GNA11: variants seen among roughly 807,000 people sequenced by gnomAD.
GNA11 encodes guanine nucleotide-binding protein subunit alpha-11.
A neutral mutation model predicts 38.2 loss-of-function variants in GNA11; 8 were observed. The observed-to-expected ratio is 0.21, with a 90% CI of 0.12 to 0.38. GNA11 has a LOEUF of 0.38. GNA11 is among the 10% of genes least tolerant of loss of function. The probability of loss-of-function intolerance (pLI) is 1.00; values close to 1 mark genes in which losing one functional copy is unlikely to be tolerated. For missense variants in GNA11, 268 were observed against 516.3 expected, an observed-to-expected ratio of 0.52 and a Z score of 4.66; for synonymous variants, 211 against 221.4, an observed-to-expected ratio of 0.95 and a Z score of 0.42.
intron 1 of GNA11, among the ~76,000 whole-genome samples, chr19:3,105,734 G>T (rs1913624493): frequency 6.6e-6 from 1 of 152,194 alleles, no homozygotes; most frequent in African/African-American, 2.4e-5. Context: ...GTCCATTCCT[G>T]CCCAGCGCCG....
chr19:3,121,976 C>A lies in GNA11; in HGVS notation c.*797C>A, dbSNP rs1914091866. The A allele has an allele frequency of 8.6e-6, 2 of 233,170 alleles. No homozygotes were observed. The highest frequency in any genetic ancestry group is 1.7e-5 in the Non-Finnish European group (2 of 117,912). The allele number at this position is 233,170 out of a possible 1,614,324, so 14.4% of individuals were successfully genotyped here. Reference sequence around the variant, plus strand: ...GGTCCCCGGGCTGGAGCCACGGGGGCTTCTCTGGGCTGTGCCTCCGGGGCC... The same window carrying A: ...GGTCCCCGGGCTGGAGCCACGGGGGATTCTCTGGGCTGTGCCTCCGGGGCC... On this transcript the variant is annotated 3_prime_UTR_variant, in exon 7 of 7. Transcript: ENST00000078429.
At position 3,106,964 on chromosome 19, in the gene GNA11, C is replaced by T. The variant is rs561943029; in HGVS notation, c.137-3185C>T. 1.2e-4 allele frequency among the ~76,000 whole-genome samples: 19 copies of T among 152,288 alleles called. No individual in the cohort carries two copies. The South Asian group carries it at 2.3e-3, about 18-fold the overall frequency. ...TACAAAACGCAAAACAGGCCGGGCG[C>T]GGTGGCTCACGCCTGTAATCCCAGC... On this transcript the variant is annotated intron_variant, in intron 1 of 6. Coordinates refer to ENST00000078429, the MANE Select transcript of GNA11 (RefSeq NM_002067.5).
At chr19:3,116,015 C>T (rs1387165649) in intron 4 of GNA11, among the ~76,000 whole-genome samples, 1 of 148,960 alleles carries the variant, frequency 6.7e-6, no homozygotes, top group African/African-American at 2.5e-5. Flanking sequence ...AGGAGGGCTC[C>T]AGGCTGGGGT....
intron 4 of GNA11, 110 bp from the exon 5 acceptor site, chr19:3,118,814 G>A: frequency 3.0e-6 from 3 of 1,011,420 alleles, no homozygotes; most frequent in South Asian, 2.8e-5. Context: ...TCCTGCTCCA[G>A]CCGATGTCAG....
rs76205188 is a variant in GNA11 at position 3,123,947 on chromosome 19, T to C, written c.*2768T>C. The stretch of plus-strand genomic sequence containing the variant: ...CACCGATGGAAGTCGACTTTTCATA[T>C]CTTTCTCCTGAAATGAACTCTGTTT... On this transcript the variant is annotated 3_prime_UTR_variant, in exon 7 of 7. Coordinates refer to ENST00000078429, the MANE Select transcript of GNA11 (RefSeq NM_002067.5). 7,199 of 229,612 alleles carry C rather than the reference T, an allele frequency of 0.031. 618 individuals are homozygous for C. The highest frequency in any genetic ancestry group is 0.17 in the East Asian group (2,814 of 16,122). The allele number at this position is 229,612 out of a possible 1,614,324, so 14.2% of individuals were successfully genotyped here. A position where few individuals can be genotyped will look rare whatever the true frequency, so the allele number is the denominator to read the frequency against.
intron 1 of GNA11, among the ~76,000 whole-genome samples, chr19:3,101,740 T>A (rs895468882): frequency 6.6e-6 from 1 of 152,296 alleles, no homozygotes; most frequent in Middle Eastern, 3.4e-3. Context: ...TCTCCCAGGC[T>A]GTCGGGGGGC....
rs958593838 is a variant in GNA11 at position 3,120,636 on chromosome 19, C to A, written c.890-353C>A. Among the ~76,000 whole-genome samples, 1 of 152,184 alleles carries A rather than the reference C, an allele frequency of 6.6e-6. No individual in the cohort carries two copies. ...AGCCCTGGGGGCCTCTCCTCTCACC[C>A]TGGGCCTTCGCAGGGCAGCCATGCC... On this transcript the variant is annotated intron_variant, in intron 6 of 6. Coordinates refer to ENST00000078429, the MANE Select transcript of GNA11 (RefSeq NM_002067.5). This position sits in a 1 kb window ranked among gnomAD's most constrained non-coding sequence, Gnocchi z 5.9.
rs574010523 is a variant in GNA11 at position 3,108,964 on chromosome 19, C to T, written c.137-1185C>T. 2.6e-5 allele frequency among the ~76,000 whole-genome samples: 4 copies of T among 152,322 alleles called. No homozygotes were observed. Among genetic ancestry groups the T allele is most frequent in the East Asian group, 1.9e-4 (1 of 5,184 alleles). The stretch of plus-strand genomic sequence containing the variant: ...CCTCACAGCGTGGCGGCTGCCTACC[C>T]CAGAGCCCCTGACCCGAGACTGAGG... On this transcript the variant is annotated intron_variant, in intron 1 of 6. Transcript: ENST00000078429. The surrounding 1 kb of genome is among the most constrained non-coding windows in gnomAD (Gnocchi z 4.5).
Position 3,123,719 on chromosome 19 carries a change from C to G in GNA11, c.*2540C>G, listed in dbSNP as rs1227640169. ...CTGTGGCCGGCCTGGCGGACGGGAC[C>G]CAGTGATACTTGTATATTACACAGT... On this transcript the variant is annotated 3_prime_UTR_variant, in exon 7 of 7. Transcript: ENST00000078429. The G allele has an allele frequency of 8.6e-6, 2 of 232,858 alleles. No individual in the cohort carries two copies. The highest frequency in any genetic ancestry group is 2.2e-5 in the African/African-American group (1 of 45,296). The allele number at this position is 232,858 out of a possible 1,614,324, so 14.4% of individuals were successfully genotyped here. A position where few individuals can be genotyped will look rare whatever the true frequency, so the allele number is the denominator to read the frequency against.
chr19:3,106,055 C>G (rs1392792408), intron 1 of GNA11, among the ~76,000 whole-genome samples: 1 of 152,162 alleles, frequency 6.6e-6, no homozygotes, highest in East Asian at 1.9e-4. Flanking sequence ...AAGAGCGTTC[C>G]AGCTCAGATG....
rs1914089456 is a variant in GNA11, at chr19:3,121,842, TTTTA to T, written c.*667_*670del. On this transcript the variant is annotated 3_prime_UTR_variant, in exon 7 of 7. Transcript: ENST00000078429. ...ACCCTGGGAAGTGCCTAACCTTTTA[TTTTA>T]TTTTATTTTTTTGAGGAAAAAGAAC... 1 of 225,718 alleles carries T rather than the reference TTTTA, an allele frequency of 4.4e-6. No individual in the cohort carries two copies. 14.0% of individuals were successfully genotyped at this position (225,718 alleles called of 1,614,324 possible). A position where few individuals can be genotyped will look rare whatever the true frequency, so the allele number is the denominator to read the frequency against.
intron 2 of GNA11, among the ~76,000 whole-genome samples, chr19:3,112,722 C>T (rs1376005616): frequency 3.3e-5 from 5 of 152,340 alleles, no homozygotes; most frequent in East Asian, 3.9e-4. Context: ...TGCGGCAGCT[C>T]GGGGGCCACA....
intron 1 of GNA11, among the ~76,000 whole-genome samples, chr19:3,106,989 C>G (rs565735033): frequency 1.3e-5 from 2 of 152,320 alleles, no homozygotes; most frequent in Admixed American, 1.3e-4. Flanking sequence ...GTAATCCCAG[C>G]GCTTTGGGAA....
At position 3,108,024 on chromosome 19, in the gene GNA11, A is replaced by G. The variant is rs1482078079; in HGVS notation, c.137-2125A>G. Among the ~76,000 whole-genome samples the G allele has an allele frequency of 6.6e-6, 1 of 152,160 alleles. No individual in the cohort carries two copies. Among genetic ancestry groups the G allele is most frequent in the Non-Finnish European group, 1.5e-5 (1 of 68,024 alleles). ...TGGATTACTACCTGAGACAATCAAAATCAATTTTCTTTCTTCTGAAAAGGA... is the reference window on the plus strand; with the variant it reads ...TGGATTACTACCTGAGACAATCAAAGTCAATTTTCTTTCTTCTGAAAAGGA... On this transcript the variant is annotated intron_variant, in intron 1 of 6. Coordinates refer to ENST00000078429, the MANE Select transcript of GNA11 (RefSeq NM_002067.5). This position sits in a 1 kb window ranked among gnomAD's most constrained non-coding sequence, Gnocchi z 4.5.
In GNA11 at chr19:3,119,486, T is replaced by C. The variant is rs1427770099; in HGVS notation, c.889+127T>C. On this transcript the variant is annotated intron_variant, in intron 6 of 6. Transcript: ENST00000078429. The surrounding 1 kb of genome is among the most constrained non-coding windows in gnomAD (Gnocchi z 4.6). ...GGAGGGCGTCTGATGGGAGGTGTCA[T>C]GTATGGGAGTGGAGTCTCAGGGAAG... is the stretch of plus-strand genomic sequence containing the variant. The C allele has an allele frequency of 7.0e-6, 5 of 716,902 alleles. 1 individual carries two copies. The highest frequency in any genetic ancestry group is 4.0e-5 in the South Asian group (2 of 50,116). 44.4% of individuals were successfully genotyped at this position (716,902 alleles called of 1,614,324 possible).
At position 3,119,501 on chromosome 19, in the gene GNA11, T is replaced by A; in HGVS notation, c.889+142T>A. The A allele has an allele frequency of 1.6e-6, 1 of 643,930 alleles. No individual in the cohort carries two copies. Among genetic ancestry groups the A allele is most frequent in the East Asian group, 2.8e-5 (1 of 35,770 alleles). The allele number at this position is 643,930 out of a possible 1,614,324, so 39.9% of individuals were successfully genotyped here. On this transcript the variant is annotated intron_variant, in intron 6 of 6. Transcript: ENST00000078429. This position sits in a 1 kb window ranked among gnomAD's most constrained non-coding sequence, Gnocchi z 4.6. ...GGAGGTGTCATGTATGGGAGTGGAG[T>A]CTCAGGGAAGGGAGATCTCGTATGA...
At position 3,110,780 on chromosome 19, in the gene GNA11, ACT is replaced by A. The variant is rs908386498; in HGVS notation, c.321+448_321+449del. ...GGGGCTGTACTTCTCACCTTCTCACACTGTTTTTTTGTTTTGTTTTGTTTTGT... is the reference window on the plus strand; with the variant it reads ...GGGGCTGTACTTCTCACCTTCTCACAGTTTTTTTGTTTTGTTTTGTTTTGT... On this transcript the variant is annotated intron_variant, in intron 2 of 6. Coordinates refer to ENST00000078429, the MANE Select transcript of GNA11 (RefSeq NM_002067.5). This position sits in a 1 kb window ranked among gnomAD's most constrained non-coding sequence, Gnocchi z 5.4. Among the ~76,000 whole-genome samples the A allele has an allele frequency of 2.1e-5, 3 of 142,686 alleles. No individual in the cohort carries two copies. The highest frequency in any genetic ancestry group is 4.7e-5 in the Non-Finnish European group (3 of 63,890). 93.6% of individuals were successfully genotyped at this position (142,686 alleles called of 152,430 possible).
At chr19:3,096,718 C>T (rs537709924) in intron 1 of GNA11, among the ~76,000 whole-genome samples, 55 of 150,398 alleles carry the variant, frequency 3.7e-4, no homozygotes, top group Admixed American at 3.0e-3. Flanking sequence ...CCCCCTCCCA[C>T]TCTGTGAGCC....
At chr19:3,113,724 C>T (rs1374107223) in intron 3 of GNA11, among the ~76,000 whole-genome samples, 3 of 152,202 alleles carry the variant, frequency 2.0e-5, no homozygotes, top group Non-Finnish European at 4.4e-5. Flanking sequence ...ATGCCTGGCC[C>T]TGCCGCTGCC....
Sources: gnomAD v4.1 joint callset for allele counts (sites outside exome capture counted in the v4.1 genomes callset) on GRCh38, gnomAD v4.1.1 for gene constraint, Gnocchi (gnomAD v3.1) non-coding constraint, MANE v1.5 for transcripts, NCBI Gene and HGNC (gene_info 2026-07-23, HGNC 2026-07-21) for gene names.